UACA: variants seen among roughly 807,000 people sequenced by gnomAD.
UACA encodes nuclear membrane binding protein.
Under a neutral mutation model 160.5 loss-of-function variants are expected in UACA, and 112 were observed. The ratio of observed to expected loss-of-function variants is 0.70; its 90% CI spans 0.60 to 0.82. The LOEUF is 0.82. Among genes scored for constraint, UACA ranks in the 40% least tolerant of loss-of-function variants. The probability of loss-of-function intolerance (pLI) is 0.00; values close to 1 mark genes in which losing one functional copy is unlikely to be tolerated. For synonymous variants in UACA, 557 were observed against 568.4 expected (o/e 0.98, Z 0.29); for missense variants, 1,574 against 1,614.6 (o/e 0.97, Z 0.43).
At chr15:70,757,947 T>C (rs57176855) in intron 1 of UACA, among the ~76,000 whole-genome samples, 20,602 of 152,226 alleles carry the variant, frequency 0.14, 1,723 homozygotes, top group African/African-American at 0.23. Flanking sequence ...GAGGACCTAA[T>C]TAATCCATTA....
rs763957940 is a variant in UACA at position 70,657,137 on chromosome 15, A to G, written c.4180-10T>C. The G allele has an allele frequency of 6.2e-7, 1 of 1,611,724 alleles. No homozygotes were observed. Among genetic ancestry groups the G allele is most frequent in the Non-Finnish European group, 8.5e-7 (1 of 1,177,798 alleles). On this transcript the variant is annotated splice_polypyrimidine_tract_variant and intron_variant, in intron 18 of 18. Transcript: ENST00000322954. ...CTTCATCCATGTGACCCTTCGGAGA[A>G]AGAAGAAAGAGGAGCATTATTTTAT...
intron 1 of UACA, among the ~76,000 whole-genome samples, chr15:70,718,103 C>T (rs1459782310): frequency 2.0e-5 from 3 of 151,222 alleles, no homozygotes; most frequent in Non-Finnish European, 4.4e-5. Flanking sequence ...CCCTGATTTA[C>T]ATACTAGGTT....
At chr15:70,753,445 TA>T (rs1238370259) in intron 1 of UACA, among the ~76,000 whole-genome samples, 2 of 152,220 alleles carry the variant, frequency 1.3e-5, no homozygotes, top group Non-Finnish European at 2.9e-5. Flanking sequence ...TTTTTTTGTA[TA>T]TATGGCTTAA....
At chr15:70,677,024 C>G (rs1396620612) in intron 12 of UACA, 84 bp downstream of exon 12, 24 of 1,014,446 alleles carry the variant, frequency 2.4e-5, no homozygotes, top group Non-Finnish European at 3.2e-5. Context: ...GTCTCTATCT[C>G]AATTCAGGAC....
chr15:70,767,307 G>A (rs1459668567), upstream of UACA, among the ~76,000 whole-genome samples: 8 of 149,380 alleles, frequency 5.4e-5, no homozygotes, highest in African/African-American at 2.0e-4. Context: ...TCCACACACA[G>A]GCCGGGCATG....
chr15:70,708,643 G>C (rs1898590071), intron 1 of UACA, among the ~76,000 whole-genome samples: 1 of 151,912 alleles, frequency 6.6e-6, no homozygotes, highest in Non-Finnish European at 1.5e-5. Context: ...TAATTTTTTT[G>C]TATTTTTAGT....
chr15:70,687,502 A>T (rs1190350269), intron 7 of UACA, 38 bp downstream of exon 7: 1 of 1,595,276 alleles, frequency 6.3e-7, no homozygotes, highest in African/African-American at 1.3e-5. Context: ...ATCCCTGTGT[A>T]TCCAGCTGGT....
upstream of UACA, among the ~76,000 whole-genome samples, chr15:70,767,264 CA>C (rs2031036919): frequency 9.9e-6 from 1 of 101,232 alleles, no homozygotes; most frequent in African/African-American, 5.7e-5. Flanking sequence ...AAACAAAAAA[CA>C]AAAACAAAAA....
chr15:70,737,697 A>G (rs928632066), intron 1 of UACA, among the ~76,000 whole-genome samples: 7 of 152,304 alleles, frequency 4.6e-5, no homozygotes, highest in Middle Eastern at 3.4e-3. Flanking sequence ...GGAAGAGTGA[A>G]ACTCCATCTC....
In UACA at chr15:70,664,698, CAG is replaced by C. The variant is rs1323109898; in HGVS notation, c.4075_4076del (p.Leu1359AlafsTer15). The C allele has an allele frequency of 1.9e-6, 3 of 1,613,340 alleles. No individual in the cohort carries two copies. Among genetic ancestry groups the C allele is most frequent in the Non-Finnish European group, 8.5e-7 (1 of 1,179,750 alleles). On this transcript the variant is annotated frameshift_variant, in exon 17 of 19. Coordinates refer to ENST00000322954, the MANE Select transcript of UACA (RefSeq NM_018003.4). LOFTEE classifies it high-confidence loss of function. ...TKRQSQLIDT[L>X]QHQVKSLEQQ... ...GCTCCAGAGATTTCACTTGGTGCTGCAGAGTGTCAATCAGCTGGCTCTGCCTC... is the reference window on the plus strand; with the variant it reads ...GCTCCAGAGATTTCACTTGGTGCTGCAGTGTCAATCAGCTGGCTCTGCCTC...
rs1232074099 is a variant in UACA at position 70,667,485 on chromosome 15, C to T, written c.3199G>A (p.Glu1067Lys). ...AAGTCTTTTAACTGTTTGTTTAGCT[C>T]GTCTGTTTTTCTGCTTAATGCTCTT... is the stretch of plus-strand genomic sequence containing the variant. ...MERALSRKTD[E>K]LNKQLKDLSQ... The change falls in exon 16 of 19, where the codon GAG becomes AAG. Residue 1067 changes from glutamate to lysine, a missense_variant. Physicochemically the swap from Glu to Lys is moderately conservative, Grantham distance 56. Transcript: ENST00000322954. The T allele has an allele frequency of 5.0e-6, 8 of 1,611,060 alleles. No individual in the cohort carries two copies. Among genetic ancestry groups the T allele is most frequent in the South Asian group, 4.4e-5 (4 of 90,616 alleles).
chr15:70,723,986 C>G (rs1899072935), intron 1 of UACA, among the ~76,000 whole-genome samples: 1 of 152,190 alleles, frequency 6.6e-6, no homozygotes, highest in African/African-American at 2.4e-5. Context: ...CAGGCCCTCC[C>G]TGTTATATAT....
At chr15:70,716,993 G>T (rs1381455076) in intron 1 of UACA, among the ~76,000 whole-genome samples, 1 of 152,130 alleles carries the variant, frequency 6.6e-6, no homozygotes, top group Non-Finnish European at 1.5e-5. Flanking sequence ...AGGCCAAGGC[G>T]GGCAGATCAC....
At chr15:70,709,476 T>C (rs1360469065) in intron 1 of UACA, among the ~76,000 whole-genome samples, 4 of 152,176 alleles carry the variant, frequency 2.6e-5, no homozygotes, top group Admixed American at 2.0e-4. Context: ...AATTAGAAAT[T>C]TGTAACTATT....
At position 70,747,245 on chromosome 15, in the gene UACA, T is replaced by G. The variant is rs796540186; in HGVS notation, c.78+16085A>C. 4.9e-3 allele frequency among the ~76,000 whole-genome samples: 721 copies of G among 147,850 alleles called. 4 individuals are homozygous for G. The highest frequency in any genetic ancestry group is 0.017 in the African/African-American group (684 of 39,954). ...CGAATGGTGTTTGTTTTTTGGGTTT[T>G]TTTTTTTTTTTTTTTTTTAGATGGA... is the stretch of plus-strand genomic sequence containing the variant. On this transcript the variant is annotated intron_variant, in intron 1 of 18. Coordinates refer to ENST00000322954, the MANE Select transcript of UACA (RefSeq NM_018003.4).
intron 15 of UACA, 54 bp downstream of exon 15, chr15:70,670,985 C>T: frequency 8.3e-7 from 1 of 1,206,850 alleles, no homozygotes; most frequent in South Asian, 1.8e-5. Context: ...TTTATAAAGG[C>T]ACAAAAATTT....
intron 1 of UACA, among the ~76,000 whole-genome samples, chr15:70,756,552 T>A (rs962749343): frequency 6.6e-6 from 1 of 151,796 alleles, no homozygotes; most frequent in African/African-American, 2.4e-5. Flanking sequence ...TTGAAGGAAA[T>A]CCCAGACTCC....
intron 1 of UACA, chr15:70,702,178 ATCT>A: frequency 8.2e-7 from 1 of 1,215,988 alleles, no homozygotes; most frequent in African/African-American, 1.6e-5. Flanking sequence ...CAGTAACTCT[ATCT>A]ATTTCTTATT....
At chr15:70,706,519 T>TA (rs34478198) in intron 1 of UACA, among the ~76,000 whole-genome samples, 7,628 of 121,236 alleles carry the variant, frequency 0.063, 537 homozygotes, top group African/African-American at 0.17. Flanking sequence ...TCTTATTTGT[T>TA]AAAAAAAAAA....
Sources: gnomAD v4.1 joint callset for allele counts (sites outside exome capture counted in the v4.1 genomes callset) on GRCh38, gnomAD v4.1.1 for gene constraint, MANE v1.5 for transcripts, NCBI Gene and HGNC (gene_info 2026-07-23, HGNC 2026-07-21) for gene names.